The following PTPN13 variants were observed in gnomAD, a reference collection of about 807,000 sequenced individuals.
PTPN13 encodes the protein tyrosine-protein phosphatase non-receptor type 13.
Under a neutral mutation model 284.0 loss-of-function variants are expected in PTPN13, and 191 were observed. The observed-to-expected ratio is 0.67, with a 90% CI of 0.60 to 0.76. The LOEUF (loss-of-function observed/expected upper bound fraction) is 0.76, where lower values mean the gene tolerates loss of function less well. Ranked by LOEUF, PTPN13 falls within the 30% of genes least tolerant of loss-of-function variation. The pLI, the probability that PTPN13 is intolerant of heterozygous loss-of-function variation, is 0.00. For missense variants in PTPN13, 2,797 were observed against 2,939.9 expected, an observed-to-expected ratio of 0.95 and a Z score of 1.12; for synonymous variants, 986 against 1,022.3, an observed-to-expected ratio of 0.96 and a Z score of 0.68.
At chr4:86,719,346 A>G (rs1294571841) in intron 9 of PTPN13, among the ~76,000 whole-genome samples, 1 of 152,152 alleles carries the variant, frequency 6.6e-6, no homozygotes, top group Non-Finnish European at 1.5e-5. Flanking sequence ...TCCATTGTGT[A>G]TATGTACCAC....
chr4:86,775,023 G>A (rs1740463208), intron 33 of PTPN13, 148 bp from the exon 34 acceptor site: 2 of 542,192 alleles, frequency 3.7e-6, no homozygotes, highest in Non-Finnish European at 6.2e-6. Context: ...TAATAAAGGG[G>A]ATTACCAATA....
In PTPN13 at chr4:86,766,417, C is replaced by A. The variant is rs759154179; in HGVS notation, c.4244-15C>A. The A allele has an allele frequency of 9.5e-6, 15 of 1,582,280 alleles. No individual in the cohort carries two copies. Among genetic ancestry groups the A allele is most frequent in the Non-Finnish European group, 8.6e-7 (1 of 1,160,462 alleles). Reference sequence around the variant, plus strand: ...GTAGGATTTTTATTTATGATTTGAACTGCCTAATTTTTAGGTGATCGCGTC... The same window carrying A: ...GTAGGATTTTTATTTATGATTTGAAATGCCTAATTTTTAGGTGATCGCGTC... On this transcript the variant is annotated splice_polypyrimidine_tract_variant and intron_variant, in intron 26 of 47. Transcript: ENST00000411767.
chr4:86,723,342 A>G (rs1733880176), intron 10 of PTPN13, among the ~76,000 whole-genome samples: 1 of 152,202 alleles, frequency 6.6e-6, no homozygotes, highest in African/African-American at 2.4e-5. Flanking sequence ...ACCTCCTGTC[A>G]GATCAGCAGC....
intron 1 of PTPN13, among the ~76,000 whole-genome samples, chr4:86,601,181 G>T (rs576532858): frequency 6.6e-6 from 1 of 151,860 alleles, no homozygotes; most frequent in African/African-American, 2.4e-5. Flanking sequence ...TGGGACAGGT[G>T]GTTTAAAACA....
At chr4:86,784,434 T>C in intron 37 of PTPN13, 31 bp from the exon 38 acceptor site, 1 of 1,455,832 alleles carries the variant, frequency 6.9e-7, no homozygotes, top group Non-Finnish European at 9.5e-7. Context: ...TAAAATACTA[T>C]CTGATGATTT....
At chr4:86,781,762 A>G (rs980234981) in intron 36 of PTPN13, among the ~76,000 whole-genome samples, 17 of 152,126 alleles carry the variant, frequency 1.1e-4, no homozygotes, top group African/African-American at 4.1e-4. Context: ...CAGGAGATCA[A>G]GACCATCCTG....
chr4:86,741,922 A>G (rs1290001321), intron 16 of PTPN13, 106 bp downstream of exon 16: 6 of 799,400 alleles, frequency 7.5e-6, no homozygotes, highest in Non-Finnish European at 3.8e-6. Context: ...AGTGGGGATA[A>G]TACATCTTAA....
intron 7 of PTPN13, among the ~76,000 whole-genome samples, chr4:86,703,798 G>C (rs1337796424): frequency 5.9e-5 from 9 of 152,088 alleles, no homozygotes; most frequent in Non-Finnish European, 5.9e-5. Flanking sequence ...GAGCTGAGAA[G>C]TTTGAAGCTG....
chr4:86,804,499 G>A (rs1744442765), intron 43 of PTPN13, among the ~76,000 whole-genome samples: 1 of 152,056 alleles, frequency 6.6e-6, no homozygotes, highest in Non-Finnish European at 1.5e-5. Flanking sequence ...GTGAAACTGA[G>A]GCTCACAGTA....
At chr4:86,780,679 A>G (rs531081571) in intron 36 of PTPN13, among the ~76,000 whole-genome samples, 2 of 152,352 alleles carry the variant, frequency 1.3e-5, no homozygotes, top group Non-Finnish European at 2.9e-5. Context: ...TCTAGCACTT[A>G]CTTGTAGTAG....
At chr4:86,694,170 A>T (rs889943785) in intron 6 of PTPN13, among the ~76,000 whole-genome samples, 1 of 152,124 alleles carries the variant, frequency 6.6e-6, no homozygotes, top group African/African-American at 2.4e-5. Context: ...ACCTTAGGTC[A>T]TGTGATACTT....
intron 1 of PTPN13, among the ~76,000 whole-genome samples, chr4:86,624,645 A>G (rs547030508): frequency 2.1e-4 from 32 of 152,212 alleles, no homozygotes; most frequent in South Asian, 8.3e-4. Context: ...GAGCTATTGG[A>G]ATTGAGGGTT....
intron 16 of PTPN13, 77 bp downstream of exon 16, chr4:86,741,893 T>C: frequency 7.9e-7 from 1 of 1,265,628 alleles, no homozygotes; most frequent in Admixed American, 2.4e-5. Context: ...TAACAGACTT[T>C]CCTTAGACTC....
At chr4:86,649,174 CT>C (rs1212595305) in intron 2 of PTPN13, among the ~76,000 whole-genome samples, 1 of 152,006 alleles carries the variant, frequency 6.6e-6, no homozygotes, top group African/African-American at 2.4e-5. Flanking sequence ...TGTGGGTTGT[CT>C]TTTTGTTGTT....
Position 86,758,758 on chromosome 4 carries a change from G to A in PTPN13, c.3394G>A (p.Ala1132Thr), listed in dbSNP as rs544466484. The change falls in exon 22 of 48, where the codon GCT becomes ACT. Residue 1132 changes from alanine to threonine, a missense_variant. Coordinates refer to ENST00000411767, the MANE Select transcript of PTPN13 (RefSeq NM_080683.3). ...FISSVAPGGPADLDGCLKPGD... is the reference protein window; with the variant it reads ...FISSVAPGGPTDLDGCLKPGD... Reference sequence around the variant, plus strand: ...CAGTTCAGTTGCCCCTGGAGGACCAGCTGACTTGGATGGATGCTTGAAGCC... The same window carrying A: ...CAGTTCAGTTGCCCCTGGAGGACCAACTGACTTGGATGGATGCTTGAAGCC... The A allele has an allele frequency of 8.7e-6, 14 of 1,613,700 alleles. No homozygotes were observed. The South Asian group carries it at 1.5e-4, about 18-fold the overall frequency.
At chr4:86,787,319 A>T (rs1386218567) in intron 40 of PTPN13, among the ~76,000 whole-genome samples, 3 of 152,112 alleles carry the variant, frequency 2.0e-5, no homozygotes, top group Non-Finnish European at 1.5e-5. Context: ...CTAGCCGGGC[A>T]TGGTGGCTCA....
chr4:86,798,504 T>G (rs988395484), intron 41 of PTPN13, among the ~76,000 whole-genome samples: 15 of 152,184 alleles, frequency 9.9e-5, no homozygotes, highest in Non-Finnish European at 2.2e-4. Context: ...TACGTAATCC[T>G]TTTTCACTTC....
intron 2 of PTPN13, among the ~76,000 whole-genome samples, chr4:86,648,932 G>A (rs1724761415): frequency 6.6e-6 from 1 of 152,010 alleles, no homozygotes; most frequent in South Asian, 2.1e-4. Flanking sequence ...TTTAACTAGG[G>A]TGAGATGATA....
intron 2 of PTPN13, among the ~76,000 whole-genome samples, chr4:86,669,827 A>T (rs1727536413): frequency 6.6e-6 from 1 of 152,154 alleles, no homozygotes; most frequent in African/African-American, 2.4e-5. Context: ...TAAATTTGAA[A>T]TGGTAACAGT....
Sources: allele counts gnomAD v4.1 joint callset (sites outside exome capture counted in the v4.1 genomes callset), GRCh38; gene constraint gnomAD v4.1.1; transcripts MANE v1.5; gene names NCBI Gene and HGNC (gene_info 2026-07-23, HGNC 2026-07-21).